SLC16A12: variants seen among roughly 807,000 people sequenced by gnomAD.
SLC16A12 encodes monocarboxylate transporter 12.
A neutral mutation model predicts 42.4 loss-of-function variants in SLC16A12; 17 were observed. The ratio of observed to expected loss-of-function variants is 0.40; its 90% confidence interval spans 0.27 to 0.60. The LOEUF is 0.60. SLC16A12 is among the 20% of genes least tolerant of loss of function. The pLI, the probability that SLC16A12 is intolerant of heterozygous loss-of-function variation, is 0.42. For missense variants in SLC16A12, 544 were observed against 623.0 expected (o/e 0.87, Z 1.35); for synonymous variants, 224 against 229.4 (o/e 0.98, Z 0.21).
rs1352952782 is a variant in SLC16A12, at chr10:89,443,744, A to C, written c.304+12T>G. On this transcript the variant is annotated intron_variant, in intron 4 of 7. Coordinates refer to ENST00000371790, the MANE Select transcript of SLC16A12 (RefSeq NM_213606.4). ...TGGCCAGTAATTCCCTATCCTAGTAAGTAATACTCACCACAGAGCATGGTC... is the reference window on the plus strand; with the variant it reads ...TGGCCAGTAATTCCCTATCCTAGTACGTAATACTCACCACAGAGCATGGTC... The C allele has an allele frequency of 6.3e-7, 1 of 1,581,380 alleles. No individual in the cohort carries two copies. The highest frequency in any genetic ancestry group is 1.7e-5 in the Admixed American group (1 of 59,974).
intron 2 of SLC16A12, among the ~76,000 whole-genome samples, chr10:89,477,699 T>C (rs1842602527): frequency 6.6e-6 from 1 of 152,162 alleles, no homozygotes; most frequent in Non-Finnish European, 1.5e-5. Flanking sequence ...TTGATGAATT[T>C]TCAAATAAAT....
intron 2 of SLC16A12, among the ~76,000 whole-genome samples, chr10:89,485,864 C>T (rs1278438487): frequency 6.6e-6 from 1 of 152,096 alleles, no homozygotes; most frequent in Non-Finnish European, 1.5e-5. Flanking sequence ...TCAGGACATA[C>T]AATTGTAATA....
chr10:89,440,167 C>G (rs1417320052), intron 5 of SLC16A12, among the ~76,000 whole-genome samples: 1 of 145,330 alleles, frequency 6.9e-6, no homozygotes. Flanking sequence ...TTTATGGCAA[C>G]TAGAATGTCA....
intron 3 of SLC16A12, among the ~76,000 whole-genome samples, chr10:89,450,325 G>C (rs958679755): frequency 6.6e-6 from 1 of 152,182 alleles, no homozygotes; most frequent in Non-Finnish European, 1.5e-5. Context: ...GTTTAATGTG[G>C]CACTATTCAC....
At chr10:89,509,730 GT>G (rs1223656917) in intron 2 of SLC16A12, among the ~76,000 whole-genome samples, 1 of 152,196 alleles carries the variant, frequency 6.6e-6, no homozygotes, top group Admixed American at 6.5e-5. Context: ...AGTATTGGAA[GT>G]TCTGCCCAGG....
At chr10:89,478,876 C>G (rs890781075) in intron 2 of SLC16A12, among the ~76,000 whole-genome samples, 14 of 152,132 alleles carry the variant, frequency 9.2e-5, no homozygotes, top group Non-Finnish European at 1.8e-4. Context: ...GACTCTATCC[C>G]AACTCTCATT....
chr10:89,518,018 A>G (rs1843283976), intron 2 of SLC16A12, among the ~76,000 whole-genome samples: 1 of 152,226 alleles, frequency 6.6e-6, no homozygotes, highest in African/African-American at 2.4e-5. Context: ...CTAATCTTGA[A>G]GTGACTTGCT....
rs189812415 is a variant in SLC16A12, at chr10:89,527,844, G to A, written c.-47+6657C>T. ...GAGAGAGAGAGAGAAAAGAAAAAAA[G>A]AGGTGAATTCTAAGTAGGAGTAGTC... On this transcript the variant is annotated intron_variant, in intron 2 of 7. Transcript: ENST00000371790. Among the ~76,000 whole-genome samples, 1,371 of 147,858 alleles carry A rather than the reference G, an allele frequency of 9.3e-3. 6 individuals carry two copies. Among genetic ancestry groups the A allele is most frequent in the Non-Finnish European group, 0.015 (1,008 of 66,704 alleles).
At chr10:89,486,603 A>AAAAAGAAAG (rs1842747777) in intron 2 of SLC16A12, among the ~76,000 whole-genome samples, 1 of 70,386 alleles carries the variant, frequency 1.4e-5, no homozygotes, top group African/African-American at 5.3e-5. Context: ...AAAAAAAAAA[A>AAAAAGAAAG]AAAGAAAGAA....
intron 2 of SLC16A12, among the ~76,000 whole-genome samples, chr10:89,527,610 A>G (rs1237067085): frequency 6.6e-6 from 1 of 151,712 alleles, no homozygotes; most frequent in Non-Finnish European, 1.5e-5. Context: ...AGCCTGGAAA[A>G]ACATAGTAAG....
At chr10:89,540,096 C>G (rs1248337943), upstream of SLC16A12, among the ~76,000 whole-genome samples, 1 of 142,428 alleles carries the variant, frequency 7.0e-6, no homozygotes, top group Non-Finnish European at 1.5e-5. Context: ...TTCTTTCTTT[C>G]TTTCTTCTTT....
intron 2 of SLC16A12, among the ~76,000 whole-genome samples, chr10:89,476,701 C>G (rs1842586293): frequency 6.6e-6 from 1 of 152,280 alleles, no homozygotes; most frequent in South Asian, 2.1e-4. Flanking sequence ...CATAACCAGC[C>G]TTCCCAGCAC....
chr10:89,469,199 A>C (rs1409261171), intron 2 of SLC16A12, among the ~76,000 whole-genome samples: 1 of 152,190 alleles, frequency 6.6e-6, no homozygotes, highest in African/African-American at 2.4e-5. Flanking sequence ...CGACTGATGA[A>C]TTTTACTCAT....
intron 3 of SLC16A12, among the ~76,000 whole-genome samples, chr10:89,449,333 C>T (rs1456724235): frequency 1.3e-5 from 2 of 152,158 alleles, no homozygotes; most frequent in Non-Finnish European, 2.9e-5. Context: ...AAGCTGGAGG[C>T]ATCATGCTAC....
chr10:89,435,914 GT>G, intron 7 of SLC16A12, 145 bp downstream of exon 7: 2 of 1,165,690 alleles, frequency 1.7e-6, no homozygotes, highest in South Asian at 2.8e-5. Context: ...GACCATGATG[GT>G]TTTGGGGGCT....
chr10:89,510,090 C>A (rs1328767269), intron 2 of SLC16A12, among the ~76,000 whole-genome samples: 2 of 152,132 alleles, frequency 1.3e-5, no homozygotes, highest in Non-Finnish European at 2.9e-5. Context: ...AAAGAGGACA[C>A]AAACAAATGA....
intron 7 of SLC16A12, 73 bp from the exon 8 acceptor site, chr10:89,433,399 G>A: frequency 3.4e-6 from 5 of 1,474,298 alleles, no homozygotes; most frequent in Non-Finnish European, 4.7e-6. Context: ...AAATTCTAAT[G>A]ATTTGTAAGG....
chr10:89,436,914 A>AAGAAAGAAAGAAAGAGAGAAAGAAAAAG (rs796398100), intron 6 of SLC16A12, among the ~76,000 whole-genome samples: 1 of 136,462 alleles, frequency 7.3e-6, no homozygotes, highest in African/African-American at 2.8e-5. Flanking sequence ...GAAAGAAAGA[A>AAGAAAGAAAGAAAGAGAGAAAGAAAAAG]AAAGAAAGAG....
In SLC16A12 at chr10:89,438,612, G is replaced by A. The variant is rs779542261; in HGVS notation, c.1020C>T (p.Thr340=). The A allele has an allele frequency of 1.1e-5, 17 of 1,613,390 alleles. No homozygotes were observed. Among genetic ancestry groups the A allele is most frequent in the Admixed American group, 3.3e-5 (2 of 59,846 alleles). ...IIGNITFGWL[T]DRRCLKNYQY... The stretch of plus-strand genomic sequence containing the variant: ...GGTTTCATGAATTTTACCTTCTGTC[G>A]GTCAGCCATCCAAATGTGATATTGC... The change falls in exon 6 of 8, where the codon ACC becomes ACT. Residue 340 remains threonine, a synonymous_variant. Coordinates refer to ENST00000371790, the MANE Select transcript of SLC16A12 (RefSeq NM_213606.4).
Sources: allele counts gnomAD v4.1 joint callset (sites outside exome capture counted in the v4.1 genomes callset), GRCh38; gene constraint gnomAD v4.1.1; transcripts MANE v1.5; gene names NCBI Gene and HGNC (gene_info 2026-07-23, HGNC 2026-07-21).